ADAMTS15: variants seen among roughly 807,000 people sequenced by gnomAD.
The protein encoded by ADAMTS15 is A disintegrin and metalloproteinase with thrombospondin motifs 15.
Under a neutral mutation model 79.1 loss-of-function variants are expected in ADAMTS15, and 35 were observed. The ratio of observed to expected loss-of-function variants is 0.44; its 90% CI spans 0.34 to 0.59. ADAMTS15 has a LOEUF of 0.59. ADAMTS15 is among the 20% of genes least tolerant of loss of function. The probability of loss-of-function intolerance (pLI) is 0.02; values close to 1 mark genes in which losing one functional copy is unlikely to be tolerated. For synonymous variants in ADAMTS15, 616 were observed against 567.3 expected (o/e 1.09, Z -1.22); for missense variants, 1,324 against 1,318.7 (o/e 1.00, Z -0.06).
chr11:130,466,705 T>C lies in ADAMTS15; in HGVS notation c.1543-2557T>C, dbSNP rs549372294. On this transcript the variant is annotated intron_variant, in intron 4 of 7. Coordinates refer to ENST00000299164, the MANE Select transcript of ADAMTS15 (RefSeq NM_139055.4). The stretch of plus-strand genomic sequence containing the variant: ...TCCCGCCATGGCAGCTCTTTTGGAA[T>C]GCACCTTAGGTTATGCCACTTCTCT... Among the ~76,000 whole-genome samples the C allele has an allele frequency of 2.4e-3, 358 of 152,334 alleles. 2 individuals are homozygous for C. Among genetic ancestry groups the C allele is most frequent in the African/African-American group, 8.3e-3 (344 of 41,578 alleles).
chr11:130,469,158 G>T (rs772808296), intron 4 of ADAMTS15, 104 bp from the exon 5 acceptor site: 3 of 1,069,564 alleles, frequency 2.8e-6, no homozygotes, highest in Non-Finnish European at 2.5e-6. Flanking sequence ...TTCCAGGAAG[G>T]TGGGATGAGA....
chr11:130,463,828 G>A lies in ADAMTS15; in HGVS notation c.1542+1048G>A, dbSNP rs190317537. Among the ~76,000 whole-genome samples, 23 of 152,300 alleles carry A rather than the reference G, an allele frequency of 1.5e-4. No homozygotes were observed. In the East Asian group the frequency reaches 2.9e-3, roughly 19 times the overall value. On this transcript the variant is annotated intron_variant, in intron 4 of 7. Coordinates refer to ENST00000299164, the MANE Select transcript of ADAMTS15 (RefSeq NM_139055.4). ...AGCTCACAGTCAAGTGGGGAAGCTC[G>A]AATTGTAGCTGTGATACAAGACACA...
chr11:130,455,815 C>A (rs535288047), intron 1 of ADAMTS15, among the ~76,000 whole-genome samples: 1 of 152,182 alleles, frequency 6.6e-6, no homozygotes, highest in Non-Finnish European at 1.5e-5. Flanking sequence ...GCCGGGGGCT[C>A]GTTCAACCGG....
intron 1 of ADAMTS15, chr11:130,450,360 T>G: frequency 3.0e-6 from 3 of 985,462 alleles, no homozygotes; most frequent in Non-Finnish European, 3.6e-6. Context: ...GAGGTCTCCT[T>G]TCAAGGGTTG....
chr11:130,471,135 G>T, intron 6 of ADAMTS15, 34 bp downstream of exon 6: 1 of 1,599,282 alleles, frequency 6.3e-7, no homozygotes, highest in South Asian at 1.1e-5. Flanking sequence ...ACAAAGTAGG[G>T]ACCAGGTCTT....
In ADAMTS15 at chr11:130,473,720, C is replaced by G; in HGVS notation, c.2752C>G (p.Leu918Val). 3.7e-6 allele frequency: 6 copies of G among 1,600,288 alleles called. No individual in the cohort carries two copies. The highest frequency in any genetic ancestry group is 5.1e-6 in the Non-Finnish European group (6 of 1,179,898). ...SCGRGFQRRS[L>V]KCVGHGGRLL... ...CGGCCGGGGATTTCAGAGGCGCTCA[C>G]TCAAGTGTGTGGGCCACGGAGGCCG... The change falls in exon 8 of 8, where the codon CTC becomes GTC. Residue 918 changes from leucine (L) to valine (V), a missense_variant. Leu to Val is a conservative substitution (Grantham distance 32, BLOSUM62 1). Coordinates refer to ENST00000299164, the MANE Select transcript of ADAMTS15 (RefSeq NM_139055.4).
intron 1 of ADAMTS15, among the ~76,000 whole-genome samples, chr11:130,454,849 T>C (rs181932030): frequency 2.0e-4 from 31 of 152,360 alleles, no homozygotes; most frequent in Non-Finnish European, 3.8e-4. Flanking sequence ...TTTTAACCGC[T>C]GGTCTAGTCA....
chr11:130,471,314 A>T lies in ADAMTS15; in HGVS notation c.2009A>T (p.Asp670Val). The change falls in exon 7 of 8, where the codon GAC becomes GTC. Residue 670 changes from aspartate to valine, a missense_variant. By Grantham distance (152) the Asp-to-Val change is radical. Coordinates refer to ENST00000299164, the MANE Select transcript of ADAMTS15 (RefSeq NM_139055.4). ...AACCTGGGCTCCAAGAAGAGATTCGACAAGTGTGGGGTGTGTGGGGGAGAC... is the reference window on the plus strand; with the variant it reads ...AACCTGGGCTCCAAGAAGAGATTCGTCAAGTGTGGGGTGTGTGGGGGAGAC... Reference protein sequence around the residue: ...DGNLGSKKRFDKCGVCGGDNK... With the variant: ...DGNLGSKKRFVKCGVCGGDNK... 6.2e-7 allele frequency: 1 copy of T among 1,613,224 alleles called. No individual in the cohort carries two copies. The highest frequency in any genetic ancestry group is 8.5e-7 in the Non-Finnish European group (1 of 1,179,830).
chr11:130,470,127 T>TAC (rs1565397473), intron 5 of ADAMTS15, among the ~76,000 whole-genome samples: 4 of 89,154 alleles, frequency 4.5e-5, no homozygotes, highest in Non-Finnish European at 8.5e-5. Flanking sequence ...ATCATATATA[T>TAC]ATATACATAT....
chr11:130,448,924 G>A lies in ADAMTS15; in HGVS notation c.-50G>A. The A allele has an allele frequency of 5.1e-6, 7 of 1,366,056 alleles. No homozygotes were observed. The highest frequency in any genetic ancestry group is 5.8e-6 in the Non-Finnish European group (6 of 1,042,368). 84.6% of individuals were successfully genotyped at this position (1,366,056 alleles called of 1,614,324 possible). Reference sequence around the variant, plus strand: ...CACGGAGACCGCGGCAGCGGCCGGAGAGCCCGGCCCAGCCCCTTCCCACAG... The same window carrying A: ...CACGGAGACCGCGGCAGCGGCCGGAAAGCCCGGCCCAGCCCCTTCCCACAG... On this transcript the variant is annotated 5_prime_UTR_variant, in exon 1 of 8. Transcript: ENST00000299164.
In ADAMTS15 at chr11:130,472,627, T is replaced by C. The variant is rs1232656501; in HGVS notation, c.2079-420T>C. Among the ~76,000 whole-genome samples the C allele has an allele frequency of 6.6e-6, 1 of 152,162 alleles. No homozygotes were observed. The highest frequency in any genetic ancestry group is 1.5e-5 in the Non-Finnish European group (1 of 68,016). Reference sequence around the variant, plus strand: ...CCAGGGCCAGTGTCCTCTCACTGCATTGAGCTCCTAGCCTCAGGCTCTGGG... The same window carrying C: ...CCAGGGCCAGTGTCCTCTCACTGCACTGAGCTCCTAGCCTCAGGCTCTGGG... On this transcript the variant is annotated intron_variant, in intron 7 of 7. Transcript: ENST00000299164. The surrounding 1 kb of genome is among the most constrained non-coding windows in gnomAD (Gnocchi z 4.7).
At chr11:130,459,556 G>T (rs1473579227) in intron 1 of ADAMTS15, among the ~76,000 whole-genome samples, 1 of 152,212 alleles carries the variant, frequency 6.6e-6, no homozygotes, top group Non-Finnish European at 1.5e-5. Flanking sequence ...GAAGACGAAA[G>T]AATATGGGAA....
At chr11:130,468,782 A>AAT (rs1555080757) in intron 4 of ADAMTS15, among the ~76,000 whole-genome samples, 1 of 148,868 alleles carries the variant, frequency 6.7e-6, no homozygotes, top group Non-Finnish European at 1.5e-5. Context: ...AAAAAAAAAA[A>AAT]AATAATTAGC....
intron 4 of ADAMTS15, among the ~76,000 whole-genome samples, chr11:130,465,199 G>A (rs983368280): frequency 1.3e-5 from 2 of 151,804 alleles, no homozygotes; most frequent in African/African-American, 2.4e-5. Context: ...ATTTCCCGAC[G>A]GGGGAAAAAA....
At chr11:130,468,118 G>A (rs1016854526) in intron 4 of ADAMTS15, among the ~76,000 whole-genome samples, 2 of 152,144 alleles carry the variant, frequency 1.3e-5, no homozygotes, top group African/African-American at 2.4e-5. Context: ...TTTTATTCCC[G>A]GCAAGCTGTG....
At position 130,470,994 on chromosome 11, in the gene ADAMTS15, C is replaced by T; in HGVS notation, c.1795C>T (p.Leu599Phe). 3 of 1,613,868 alleles carry T rather than the reference C, an allele frequency of 1.9e-6. No individual in the cohort carries two copies. The highest frequency in any genetic ancestry group is 2.5e-6 in the Non-Finnish European group (3 of 1,180,038). ...GYNHSTNRLT[L>F]AVAWVPKYSG... ...CAACCACAGCACCAACCGGCTCACT[C>T]TCGCCGTGGCATGGGTGCCCAAGTA... The change falls in exon 6 of 8, where the codon CTC (leucine) becomes TTC (phenylalanine). Residue 599 changes from leucine to phenylalanine, a missense_variant. Leu to Phe is a conservative substitution (Grantham distance 22). Coordinates refer to ENST00000299164, the MANE Select transcript of ADAMTS15 (RefSeq NM_139055.4).
intron 1 of ADAMTS15, chr11:130,450,249 G>A: frequency 4.1e-6 from 4 of 985,496 alleles, no homozygotes; most frequent in Non-Finnish European, 4.8e-6. Flanking sequence ...GCTGCAGTTT[G>A]TGTCCAAGAC....
intron 4 of ADAMTS15, among the ~76,000 whole-genome samples, chr11:130,467,915 T>C (rs758460715): frequency 2.0e-5 from 3 of 152,156 alleles, no homozygotes; most frequent in Non-Finnish European, 4.4e-5. Flanking sequence ...GGTGAAACTT[T>C]CTCAAATACA....
intron 1 of ADAMTS15, among the ~76,000 whole-genome samples, chr11:130,451,275 A>T (rs567602401): frequency 1.3e-5 from 2 of 152,304 alleles, no homozygotes; most frequent in East Asian, 3.9e-4. Context: ...ATGGTCACTC[A>T]AAGTTGGACT....
Sources: allele counts gnomAD v4.1 joint callset (sites outside exome capture counted in the v4.1 genomes callset), GRCh38; gene constraint gnomAD v4.1.1; non-coding constraint Gnocchi (gnomAD v3.1); transcripts MANE v1.5; gene names NCBI Gene and HGNC (gene_info 2026-07-23, HGNC 2026-07-21).